The following TIE1 variants were observed in gnomAD, a reference collection of about 807,000 sequenced individuals.
TIE1 encodes tyrosine-protein kinase receptor Tie-1.
A neutral mutation model predicts 130.5 loss-of-function variants in TIE1; 89 were observed. That is an observed-to-expected ratio of 0.68 (90% confidence interval 0.57 to 0.81). The LOEUF is 0.81. Among genes scored for constraint, TIE1 ranks in the 40% least tolerant of loss-of-function variants. The probability of loss-of-function intolerance (pLI) is 0.00; values close to 1 mark genes in which losing one functional copy is unlikely to be tolerated. For synonymous variants in TIE1, 568 were observed against 629.4 expected, an observed-to-expected ratio of 0.90 and a Z score of 1.46; for missense variants, 1,392 against 1,559.8, an observed-to-expected ratio of 0.89 and a Z score of 1.81.
In TIE1 at chr1:43,301,020, A is replaced by G; in HGVS notation, c.-52A>G. The stretch of plus-strand genomic sequence containing the variant: ...CAGGCTGAGCAGTCAGGCCCACAGC[A>G]TCTGACCCCAGGCCCAGCTCGTCCT... On this transcript the variant is annotated 5_prime_UTR_variant, in exon 1 of 23. Transcript: ENST00000372476. The G allele has an allele frequency of 6.3e-7, 1 of 1,576,354 alleles. No individual in the cohort carries two copies.
chr1:43,313,047 G>A lies in TIE1; in HGVS notation c.1928-88G>A. 1 of 1,454,840 alleles carries A rather than the reference G, an allele frequency of 6.9e-7. No homozygotes were observed. Among genetic ancestry groups the A allele is most frequent in the Non-Finnish European group, 9.3e-7 (1 of 1,080,390 alleles). The allele number at this position is 1,454,840 out of a possible 1,614,324, so 90.1% of individuals were successfully genotyped here. A position where few individuals can be genotyped will look rare whatever the true frequency, so the allele number is the denominator to read the frequency against. On this transcript the variant is annotated intron_variant, in intron 12 of 22. Transcript: ENST00000372476. The surrounding 1 kb of genome is among the most constrained non-coding windows in gnomAD (Gnocchi z 6.2). ...CCCCTGTGCTTGGACCCACAGAGGA[G>A]GGAGCACAGCTAGAGCAGATGTGTC...
At position 43,307,215 on chromosome 1, in the gene TIE1, C is replaced by T. The variant is rs35033063; in HGVS notation, c.714C>T (p.His238=). The T allele has an allele frequency of 1.8e-3, 2,834 of 1,614,124 alleles. 23 individuals carry two copies. The highest frequency in any genetic ancestry group is 0.01 in the Middle Eastern group (61 of 6,062). The change falls in exon 5 of 23, where the codon CAC becomes CAT. Residue 238 remains histidine (H), a synonymous_variant. Coordinates refer to ENST00000372476, the MANE Select transcript of TIE1 (RefSeq NM_005424.5). This position sits in a 1 kb window ranked among gnomAD's most constrained non-coding sequence, Gnocchi z 5.4. The part of the protein sequence containing the change: ...CPGCLHGGVC[H]DHDGECVCPP... ...GTTGCCTACATGGAGGTGTCTGCCACGACCATGACGGCGAATGTGTATGCC... is the reference window on the plus strand; with the variant it reads ...GTTGCCTACATGGAGGTGTCTGCCATGACCATGACGGCGAATGTGTATGCC...
At position 43,322,037 on chromosome 1, in the gene TIE1, C is replaced by G. The variant is rs532480390; in HGVS notation, c.3345+322C>G. ...TGTCCTCATCTGGGACACCTCTCCC[C>G]ACCTGCCAGAGCCAGAGCAGAGTGC... On this transcript the variant is annotated intron_variant, in intron 22 of 22. Transcript: ENST00000372476. The surrounding 1 kb of genome is among the most constrained non-coding windows in gnomAD (Gnocchi z 4.0). Among the ~76,000 whole-genome samples, 1 of 152,306 alleles carries G rather than the reference C, an allele frequency of 6.6e-6. No individual in the cohort carries two copies. Among genetic ancestry groups the G allele is most frequent in the East Asian group, 1.9e-4 (1 of 5,180 alleles).
At chr1:43,310,815 A>G (rs1376623716) in intron 9 of TIE1, among the ~76,000 whole-genome samples, 2 of 152,146 alleles carry the variant, frequency 1.3e-5, no homozygotes, top group African/African-American at 4.8e-5. Flanking sequence ...GCAAATCAGC[A>G]CTGCCCTCCT....
chr1:43,309,495 C>T lies in TIE1; in HGVS notation c.1296C>T (p.Gly432=), dbSNP rs754628532. Residue 432 remains glycine (G), a synonymous_variant, in exon 9 of 23, where the codon GGC becomes GGT. Transcript: ENST00000372476. This position sits in a 1 kb window ranked among gnomAD's most constrained non-coding sequence, Gnocchi z 6.3. The stretch of plus-strand genomic sequence containing the variant: ...GGGAGTGCCGTGTGTCCACATCTGG[C>T]GGCCAAGACAGCCGGCGCTTCAAGG... ...GFWECRVSTS[G]GQDSRRFKVN... 1.5e-5 allele frequency: 24 copies of T among 1,602,422 alleles called. No individual in the cohort carries two copies. The highest frequency in any genetic ancestry group is 6.7e-5 in the African/African-American group (5 of 74,216).
Position 43,319,732 on chromosome 1 carries a change from T to C in TIE1, c.3107+203T>C. The C allele has an allele frequency of 1.6e-6, 1 of 607,244 alleles. No individual in the cohort carries two copies. The highest frequency in any genetic ancestry group is 2.9e-6 in the Non-Finnish European group (1 of 339,634). 37.6% of individuals were successfully genotyped at this position (607,244 alleles called of 1,614,324 possible). A position where few individuals can be genotyped will look rare whatever the true frequency, so the allele number is the denominator to read the frequency against. On this transcript the variant is annotated intron_variant, in intron 19 of 22. Transcript: ENST00000372476. The surrounding 1 kb of genome is among the most constrained non-coding windows in gnomAD (Gnocchi z 4.7). Reference sequence around the variant, plus strand: ...GGAGTCTTGGAAGGTGTTTCAGGAATAGGACTGGGGTAAAGGTAGTTTCGG... The same window carrying C: ...GGAGTCTTGGAAGGTGTTTCAGGAACAGGACTGGGGTAAAGGTAGTTTCGG...
At chr1:43,321,047 A>C (rs1012825617) in intron 19 of TIE1, among the ~76,000 whole-genome samples, 8 of 150,200 alleles carry the variant, frequency 5.3e-5, no homozygotes, top group Non-Finnish European at 1.0e-4. Context: ...AAAAAAAAAA[A>C]AAAAAAACAA....
Position 43,317,720 on chromosome 1 carries a change from C to T in TIE1, c.2731+46C>T. Reference sequence around the variant, plus strand: ...CTACCCCTTCTTCCAAACCCCCATCCTCAGCCATCACCTCCACCACATGAG... The same window carrying T: ...CTACCCCTTCTTCCAAACCCCCATCTTCAGCCATCACCTCCACCACATGAG... On this transcript the variant is annotated intron_variant, in intron 16 of 22. Coordinates refer to ENST00000372476, the MANE Select transcript of TIE1 (RefSeq NM_005424.5). This position sits in a 1 kb window ranked among gnomAD's most constrained non-coding sequence, Gnocchi z 5.1. 6.6e-7 allele frequency: 1 copy of T among 1,522,342 alleles called. No homozygotes were observed. The highest frequency in any genetic ancestry group is 8.9e-7 in the Non-Finnish European group (1 of 1,118,466). 94.3% of individuals were successfully genotyped at this position (1,522,342 alleles called of 1,614,324 possible).
At chr1:43,302,702 G>C (rs565277392) in intron 1 of TIE1, among the ~76,000 whole-genome samples, 1 of 152,156 alleles carries the variant, frequency 6.6e-6, no homozygotes, top group Non-Finnish European at 1.5e-5. Flanking sequence ...ACATTATCCT[G>C]AGGGCAATAG....
Position 43,310,876 on chromosome 1 carries a change from T to A in TIE1, c.1334-795T>A, listed in dbSNP as rs146536705. Among the ~76,000 whole-genome samples the A allele has an allele frequency of 6.8e-3, 1,041 of 152,268 alleles. 12 individuals are homozygous for A. The highest frequency in any genetic ancestry group is 0.024 in the African/African-American group (1,009 of 41,556). On this transcript the variant is annotated intron_variant, in intron 9 of 22. Transcript: ENST00000372476. ...CCCTCAGCTTACAGCGCGGCATCCT[T>A]TTCCTCCCTCGCTCCCTCCCTCTTT...
In TIE1 at chr1:43,309,353, C is replaced by G. The variant is rs761887911; in HGVS notation, c.1189-35C>G. On this transcript the variant is annotated intron_variant, in intron 8 of 22. Transcript: ENST00000372476. The surrounding 1 kb of genome is among the most constrained non-coding windows in gnomAD (Gnocchi z 6.3). ...GGTGCCTGCCACAGAGGTGCCCGTT[C>G]CCTGTGACCTGTCCCCTTCCCCCAT... The G allele has an allele frequency of 6.5e-7, 1 of 1,550,076 alleles. No homozygotes were observed. The highest frequency in any genetic ancestry group is 8.7e-7 in the Non-Finnish European group (1 of 1,151,470).
At position 43,322,726 on chromosome 1, in the gene TIE1, G is replaced by A. The variant is rs759124127; in HGVS notation, c.*4G>A. 6.2e-7 allele frequency: 1 copy of A among 1,613,410 alleles called. No individual in the cohort carries two copies. Among genetic ancestry groups the A allele is most frequent in the Non-Finnish European group, 8.5e-7 (1 of 1,179,938 alleles). On this transcript the variant is annotated 3_prime_UTR_variant, in exon 23 of 23. Transcript: ENST00000372476. The surrounding 1 kb of genome is among the most constrained non-coding windows in gnomAD (Gnocchi z 4.0). ...TGCCACAGCTGAGGAGGCCTGAGCT[G>A]CCATCCAGCCAGAACGTGGCTCTGC... is the stretch of plus-strand genomic sequence containing the variant.
Position 43,319,024 on chromosome 1 carries a change from C to T in TIE1, c.2923-211C>T, listed in dbSNP as rs1172683247. Among the ~76,000 whole-genome samples the T allele has an allele frequency of 6.6e-6, 1 of 152,054 alleles. No individual in the cohort carries two copies. Among genetic ancestry groups the T allele is most frequent in the African/African-American group, 2.4e-5 (1 of 41,386 alleles). ...CACTGTCTCAGGAAAAGGGATCCAG[C>T]CTGAACTTGGTCAGGGCCCAGGAAC... On this transcript the variant is annotated intron_variant, in intron 17 of 22. Transcript: ENST00000372476. This position sits in a 1 kb window ranked among gnomAD's most constrained non-coding sequence, Gnocchi z 4.7.
rs1570456138 is a variant in TIE1, at chr1:43,321,717, TGAG to T, written c.3345+6_3345+8del. On this transcript the variant is annotated splice_donor_5th_base_variant and intron_variant, in intron 22 of 22. Coordinates refer to ENST00000372476, the MANE Select transcript of TIE1 (RefSeq NM_005424.5). Reference sequence around the variant, plus strand: ...GGCCGCATGCTGGAAGCCAGGAAGGTGAGGAGACTGGGGCTGAGGTGGCGGGCT... The same window carrying T: ...GGCCGCATGCTGGAAGCCAGGAAGGTGAGACTGGGGCTGAGGTGGCGGGCT... 1.9e-6 allele frequency: 3 copies of T among 1,551,868 alleles called. No homozygotes were observed. The East Asian group carries it at 7.3e-5, about 38-fold the overall frequency.
chr1:43,321,460 C>T lies in TIE1; in HGVS notation c.3213C>T (p.Arg1071=). The T allele has an allele frequency of 6.2e-7, 1 of 1,613,986 alleles. No homozygotes were observed. The highest frequency in any genetic ancestry group is 8.5e-7 in the Non-Finnish European group (1 of 1,179,950). The part of the protein sequence containing the change: ...ELYEKLPQGY[R]MEQPRNCDDE... Reference sequence around the variant, plus strand: ...ATGAAAAGCTGCCCCAGGGCTACCGCATGGAGCAGCCTCGAAACTGTGACG... The same window carrying T: ...ATGAAAAGCTGCCCCAGGGCTACCGTATGGAGCAGCCTCGAAACTGTGACG... Residue 1071 remains arginine (R), a synonymous_variant, in exon 21 of 23, where the codon CGC becomes CGT. Coordinates refer to ENST00000372476, the MANE Select transcript of TIE1 (RefSeq NM_005424.5).
Position 43,317,251 on chromosome 1 carries a change from G to A in TIE1, c.2462G>A (p.Arg821Gln), listed in dbSNP as rs759871396. The change falls in exon 15 of 23, where the codon CGG (arginine) becomes CAG (glutamine). Residue 821 changes from arginine to glutamine, a missense_variant. By Grantham distance (43) the Arg-to-Gln change is conservative (BLOSUM62 1). Around this residue, in one of 6 missense-constraint regions of TIE1, gnomAD observed 286 missense variants for 354.4 expected, o/e 0.81. Coordinates refer to ENST00000372476, the MANE Select transcript of TIE1 (RefSeq NM_005424.5). This position sits in a 1 kb window ranked among gnomAD's most constrained non-coding sequence, Gnocchi z 5.1. Reference sequence around the variant, plus strand: ...TCAGGGACCTTGACACTTACCCGGCGGCCAAAACTGCAGCCCGAGCCCCTG... The same window carrying A: ...TCAGGGACCTTGACACTTACCCGGCAGCCAAAACTGCAGCCCGAGCCCCTG... ...FSSGTLTLTRRPKLQPEPLSY... is the reference protein window; with the variant it reads ...FSSGTLTLTRQPKLQPEPLSY... The A allele has an allele frequency of 1.7e-5, 28 of 1,614,128 alleles. No homozygotes were observed. The highest frequency in any genetic ancestry group is 2.2e-5 in the South Asian group (2 of 91,090).
intron 1 of TIE1, among the ~76,000 whole-genome samples, chr1:43,303,240 T>C (rs1294280767): frequency 6.6e-6 from 1 of 151,884 alleles, no homozygotes; most frequent in East Asian, 1.9e-4. Flanking sequence ...AGGAGCAGAT[T>C]TGGGAAAAGC....
chr1:43,312,515 C>T lies in TIE1; in HGVS notation c.1841C>T (p.Thr614Ile). 1 of 1,613,380 alleles carries T rather than the reference C, an allele frequency of 6.2e-7. No individual in the cohort carries two copies. Among genetic ancestry groups the T allele is most frequent in the East Asian group, 2.2e-5 (1 of 44,874 alleles). Residue 614 changes from threonine (T) to isoleucine (I), a missense_variant, in exon 12 of 23, where the codon ACC becomes ATC. Thr to Ile is a moderately conservative substitution (Grantham distance 89). Transcript: ENST00000372476. This position sits in a 1 kb window ranked among gnomAD's most constrained non-coding sequence, Gnocchi z 5.6. The stretch of plus-strand genomic sequence containing the variant: ...CTCCTGACGGGACTCACGCCTGGCA[C>T]CCACTACCAGCTGGATGTGCAGCTC... ...TALLTGLTPG[T>I]HYQLDVQLYH...
rs931860340 is a variant in TIE1, at chr1:43,322,439, T to C, written c.3346-212T>C. On this transcript the variant is annotated intron_variant, in intron 22 of 22. Transcript: ENST00000372476. This position sits in a 1 kb window ranked among gnomAD's most constrained non-coding sequence, Gnocchi z 4.0. ...GCATGTAAAAACCCTCCTCTAACAA[T>C]GGCATTGAGAGCCTCTCACCTGAGG... is the stretch of plus-strand genomic sequence containing the variant. Among the ~76,000 whole-genome samples, 3 of 152,160 alleles carry C rather than the reference T, an allele frequency of 2.0e-5. No homozygotes were observed. Among genetic ancestry groups the C allele is most frequent in the Non-Finnish European group, 4.4e-5 (3 of 68,020 alleles).
Sources: allele counts gnomAD v4.1 joint callset (sites outside exome capture counted in the v4.1 genomes callset), GRCh38; gene constraint gnomAD v4.1.1; regional missense constraint gnomAD v4.1.1; non-coding constraint Gnocchi (gnomAD v3.1); transcripts MANE v1.5; gene names NCBI Gene and HGNC (gene_info 2026-07-23, HGNC 2026-07-21).